The following OSBPL9 variants were observed in gnomAD, a reference collection of about 807,000 sequenced individuals.
OSBPL9 encodes the protein oxysterol-binding protein-related protein 9.
A neutral mutation model predicts 106.6 loss-of-function variants in OSBPL9; 40 were observed. The ratio of observed to expected loss-of-function variants is 0.38; its 90% CI spans 0.29 to 0.49. The LOEUF is 0.49. Ranked by LOEUF, OSBPL9 falls within the 20% of genes least tolerant of loss-of-function variation. The probability of loss-of-function intolerance (pLI) is 0.97; values close to 1 mark genes in which losing one functional copy is unlikely to be tolerated. For synonymous variants in OSBPL9, 269 were observed against 295.4 expected (o/e 0.91, Z 0.92); for missense variants, 609 against 887.2 (o/e 0.69, Z 3.98).
intron 4 of OSBPL9, among the ~76,000 whole-genome samples, chr1:51,742,407 A>G (rs1461456878): frequency 1.3e-5 from 2 of 152,076 alleles, no homozygotes; most frequent in Non-Finnish European, 1.5e-5. Flanking sequence ...GTAAAGGACT[A>G]TATTCTTAGT....
At chr1:51,703,414 G>A (rs1436089639) in intron 3 of OSBPL9, among the ~76,000 whole-genome samples, 1 of 152,148 alleles carries the variant, frequency 6.6e-6, no homozygotes, top group Admixed American at 6.5e-5. Flanking sequence ...GTTGTGAATG[G>A]GAGTTCACAC....
At chr1:51,585,242 C>G (rs1645241077) in intron 1 of OSBPL9, among the ~76,000 whole-genome samples, 1 of 150,908 alleles carries the variant, frequency 6.6e-6, no homozygotes, top group South Asian at 2.1e-4. Flanking sequence ...GGGTGGGTAG[C>G]AGGAATAATG....
At chr1:51,734,543 G>A (rs1376509072) in intron 4 of OSBPL9, among the ~76,000 whole-genome samples, 1 of 152,110 alleles carries the variant, frequency 6.6e-6, no homozygotes, top group Non-Finnish European at 1.5e-5. Context: ...TTTCCAATAT[G>A]GTTAGGAATT....
At chr1:51,681,221 TA>T (rs1652486021) in intron 3 of OSBPL9, among the ~76,000 whole-genome samples, 1 of 152,220 alleles carries the variant, frequency 6.6e-6, no homozygotes, top group Non-Finnish European at 1.5e-5. Context: ...CCTACCTTTG[TA>T]TATAATGTAC....
At chr1:51,533,847 T>TTC in the OSBPL9 span, among the ~76,000 whole-genome samples, 1,944 of 139,108 alleles carry the variant, frequency 0.014, 59 homozygotes, top group East Asian at 0.11. Context: ...TTTTCTTTCT[T>TTC]TTTTTTTTTT....
chr1:51,690,818 G>A (rs1336890570), intron 3 of OSBPL9, among the ~76,000 whole-genome samples: 1 of 152,118 alleles, frequency 6.6e-6, no homozygotes, highest in Non-Finnish European at 1.5e-5. Context: ...ATCGGTTCTG[G>A]GAAATGCGTC....
intron 13 of OSBPL9, 92 bp downstream of exon 13, chr1:51,772,274 G>A (rs1674081869): frequency 4.9e-6 from 5 of 1,029,868 alleles, no homozygotes; most frequent in Non-Finnish European, 7.2e-6. Context: ...CACTTTGGGA[G>A]ACCGAGGTGG....
rs1678001778 is a variant in OSBPL9 at position 51,787,594 on chromosome 1, T to C, written c.2136+106T>C. The C allele has an allele frequency of 2.5e-6, 4 of 1,600,612 alleles. No individual in the cohort carries two copies. The African/African-American group carries it at 4.0e-5, about 16-fold the overall frequency. On this transcript the variant is annotated intron_variant, in intron 23 of 23. Transcript: ENST00000428468. ...CACTGTTTATAAACAAGATGATCGC[T>C]GGTCCCTACTTGAAACTCATTTCAG...
intron 3 of OSBPL9, among the ~76,000 whole-genome samples, chr1:51,708,790 T>C (rs551272855): frequency 6.6e-6 from 1 of 152,328 alleles, no homozygotes; most frequent in South Asian, 2.1e-4. Flanking sequence ...TAAAAAGCTT[T>C]TCTTTTAGTG....
the OSBPL9 span, among the ~76,000 whole-genome samples, chr1:51,571,639 C>T: frequency 6.6e-6 from 1 of 152,120 alleles, no homozygotes; most frequent in Non-Finnish European, 1.5e-5. Flanking sequence ...TGCACTCCAG[C>T]CTGGGTGACA....
chr1:51,713,777 A>C (rs995500506), intron 3 of OSBPL9, among the ~76,000 whole-genome samples: 2 of 152,172 alleles, frequency 1.3e-5, no homozygotes, highest in African/African-American at 4.8e-5. Flanking sequence ...GGTCTGAACT[A>C]TGTAGCCTGC....
At chr1:51,696,678 CTG>C (rs1656085720) in intron 3 of OSBPL9, among the ~76,000 whole-genome samples, 1 of 152,198 alleles carries the variant, frequency 6.6e-6, no homozygotes, top group African/African-American at 2.4e-5. Flanking sequence ...AATTTATAAA[CTG>C]TGTCTAAAAC....
intron 3 of OSBPL9, among the ~76,000 whole-genome samples, chr1:51,696,597 C>G (rs1411424440): frequency 6.6e-6 from 1 of 152,130 alleles, no homozygotes; most frequent in Non-Finnish European, 1.5e-5. Flanking sequence ...ACCAGATATG[C>G]CCTTACACCC....
intron 3 of OSBPL9, among the ~76,000 whole-genome samples, chr1:51,700,121 C>G (rs1260965027): frequency 6.6e-6 from 1 of 152,234 alleles, no homozygotes; most frequent in Non-Finnish European, 1.5e-5. Context: ...ATGTCACCAT[C>G]ACTCCATTCA....
chr1:51,620,872 C>CATTT (rs1333922108), intron 1 of OSBPL9, among the ~76,000 whole-genome samples: 5 of 151,930 alleles, frequency 3.3e-5, no homozygotes, highest in African/African-American at 4.8e-5. Context: ...TTTATTTATT[C>CATTT]ATTTATTTTG....
At chr1:51,665,294 A>G (rs949990281) in intron 2 of OSBPL9, among the ~76,000 whole-genome samples, 2 of 151,768 alleles carry the variant, frequency 1.3e-5, no homozygotes, top group East Asian at 1.9e-4. Flanking sequence ...ACAGGCTTGC[A>G]CCACCATGCC....
intron 1 of OSBPL9, among the ~76,000 whole-genome samples, chr1:51,645,994 C>T (rs1646130232): frequency 6.6e-6 from 1 of 152,130 alleles, no homozygotes; most frequent in African/African-American, 2.4e-5. Context: ...AATGTCAGTA[C>T]CACACTGTCT....
intron 8 of OSBPL9, among the ~76,000 whole-genome samples, chr1:51,750,472 A>G (rs1292532231): frequency 9.9e-5 from 15 of 152,208 alleles, no homozygotes; most frequent in Admixed American, 9.8e-4. Context: ...TAGAACAGGG[A>G]CATATTTTAC....
At chr1:51,730,139 G>T (rs1029001811) in intron 4 of OSBPL9, 3 of 1,246,048 alleles carry the variant, frequency 2.4e-6, no homozygotes, top group Non-Finnish European at 3.0e-6. Flanking sequence ...GTAGGACGAC[G>T]TGGCTGCCCG....
Sources: allele counts gnomAD v4.1 joint callset (sites outside exome capture counted in the v4.1 genomes callset), GRCh38; gene constraint gnomAD v4.1.1; transcripts MANE v1.5; gene names NCBI Gene and HGNC (gene_info 2026-07-23, HGNC 2026-07-21).